The following ATP10A variants were observed in gnomAD, a reference collection of about 807,000 sequenced individuals.
ATP10A encodes ATPase phospholipid transporting 10A (putative).
Under a neutral mutation model 147.8 loss-of-function variants are expected in ATP10A, and 111 were observed. That is an observed-to-expected ratio of 0.75 (90% CI 0.64 to 0.88). The LOEUF (loss-of-function observed/expected upper bound fraction) is 0.88, where lower values mean the gene tolerates loss of function less well. ATP10A is among the 40% of genes least tolerant of loss of function. ATP10A has a pLI of 0.00. For missense variants in ATP10A, 1,927 were observed against 1,959.0 expected, an observed-to-expected ratio of 0.98 and a Z score of 0.31; for synonymous variants, 875 against 841.6, an observed-to-expected ratio of 1.04 and a Z score of -0.69.
At chr15:25,740,627 C>T (rs1887536543) in intron 2 of ATP10A, among the ~76,000 whole-genome samples, 3 of 152,222 alleles carry the variant, frequency 2.0e-5, no homozygotes, top group Admixed American at 2.0e-4. Context: ...GGTGAGGTCC[C>T]CCTGGTTCAC....
intron 1 of ATP10A, among the ~76,000 whole-genome samples, chr15:25,786,792 G>GC (rs1555469794): frequency 1.0e-3 from 136 of 135,280 alleles, no homozygotes; most frequent in African/African-American, 1.6e-3. Flanking sequence ...TGCCCAGCTA[G>GC]TTTTTTTTTT....
At chr15:25,673,018 C>T (rs115048525), downstream of ATP10A, among the ~76,000 whole-genome samples, 273 of 152,008 alleles carry the variant, frequency 1.8e-3, 2 homozygotes, top group African/African-American at 6.1e-3. Flanking sequence ...TGGGGTGGGA[C>T]GAGGAGAAGG....
At position 25,777,036 on chromosome 15, in the gene ATP10A, C is replaced by T. The variant is rs949988871; in HGVS notation, c.654+3983G>A. On this transcript the variant is annotated intron_variant, in intron 2 of 20. Coordinates refer to ENST00000555815, the MANE Select transcript of ATP10A (RefSeq NM_024490.4). Reference sequence around the variant, plus strand: ...AGGCCTGAGTCCTCCACGTATTGGTCCCATGGCTGGTCTTTAGGTGGGGTG... The same window carrying T: ...AGGCCTGAGTCCTCCACGTATTGGTTCCATGGCTGGTCTTTAGGTGGGGTG... Among the ~76,000 whole-genome samples the T allele has an allele frequency of 2.6e-5, 4 of 151,962 alleles. 1 individual carries two copies. In the South Asian group the frequency reaches 6.2e-4, roughly 24 times the overall value.
intron 2 of ATP10A, among the ~76,000 whole-genome samples, chr15:25,750,702 TATATGATGATG>T (rs1238401040): frequency 2.9e-5 from 2 of 69,480 alleles, no homozygotes; most frequent in South Asian, 7.1e-4. Context: ...ACAACATATA[TATATGATGATG>T]ATGATGATGA....
At chr15:25,818,159 AAC>A (rs1596948209) in intron 1 of ATP10A, among the ~76,000 whole-genome samples, 2 of 152,178 alleles carry the variant, frequency 1.3e-5, no homozygotes, top group South Asian at 4.1e-4. Context: ...AAAACCTAGA[AAC>A]ACATAAATAT....
At chr15:25,701,099 G>T (rs975624588) in intron 13 of ATP10A, among the ~76,000 whole-genome samples, 2 of 152,162 alleles carry the variant, frequency 1.3e-5, no homozygotes, top group Admixed American at 6.5e-5. Flanking sequence ...TCACAATGGC[G>T]TCTGTACAAT....
intron 2 of ATP10A, among the ~76,000 whole-genome samples, chr15:25,749,097 A>C (rs538872634): frequency 6.7e-6 from 1 of 149,920 alleles, no homozygotes; most frequent in South Asian, 2.1e-4. Flanking sequence ...TTAATACATG[A>C]GTTTAGCAAA....
chr15:25,851,168 G>A (rs1419292538), intron 1 of ATP10A, among the ~76,000 whole-genome samples: 2 of 152,002 alleles, frequency 1.3e-5, no homozygotes, highest in Non-Finnish European at 2.9e-5. Context: ...TATACAACAG[G>A]CAGATCTGAT....
At chr15:25,673,217 G>A (rs1899075620), downstream of ATP10A, among the ~76,000 whole-genome samples, 1 of 152,162 alleles carries the variant, frequency 6.6e-6, no homozygotes, top group Non-Finnish European at 1.5e-5. Context: ...CCGGTTGAGC[G>A]AGGTAGCTCA....
chr15:25,679,806 C>G lies in ATP10A; in HGVS notation c.4035G>C (p.Lys1345Asn), dbSNP rs1410613135. ...AAGGCTGGGACAGGGGCACAGAGGT[C>G]TTGACTGTCCTCCCTGATGAGTGCT... is the stretch of plus-strand genomic sequence containing the variant. ...GTEHSSGRTV[K>N]TSVPLSQPSW... Residue 1345 changes from lysine (K) to asparagine (N), a missense_variant, in exon 21 of 21, where the codon AAG becomes AAC. Coordinates refer to ENST00000555815, the MANE Select transcript of ATP10A (RefSeq NM_024490.4). 12 of 1,612,566 alleles carry G rather than the reference C, an allele frequency of 7.4e-6. No homozygotes were observed. Among genetic ancestry groups the G allele is most frequent in the Non-Finnish European group, 1.0e-5 (12 of 1,179,882 alleles).
chr15:25,799,194 C>A (rs1464060449), intron 1 of ATP10A, among the ~76,000 whole-genome samples: 1 of 152,114 alleles, frequency 6.6e-6, no homozygotes, highest in Non-Finnish European at 1.5e-5. Flanking sequence ...CACAGACTTC[C>A]CTGATGGTGT....
chr15:25,846,712 C>G (rs1027443607), intron 1 of ATP10A, among the ~76,000 whole-genome samples: 1 of 152,212 alleles, frequency 6.6e-6, no homozygotes, highest in Admixed American at 6.5e-5. Context: ...AATGACATCA[C>G]AACATAAAGC....
chr15:25,692,030 A>G (rs575529670), intron 14 of ATP10A, among the ~76,000 whole-genome samples: 7 of 152,212 alleles, frequency 4.6e-5, no homozygotes, highest in African/African-American at 1.7e-4. Flanking sequence ...CACCTGGTAC[A>G]TGGCGCCTGC....
In ATP10A at chr15:25,716,685, A is replaced by G. The variant is rs200235903; in HGVS notation, c.1776+45T>C. 10 of 1,474,354 alleles carry G rather than the reference A, an allele frequency of 6.8e-6. No individual in the cohort carries two copies. In the East Asian group the frequency reaches 2.2e-4, roughly 33 times the overall value. The allele number at this position is 1,474,354 out of a possible 1,614,324, so 91.3% of individuals were successfully genotyped here. A position where few individuals can be genotyped will look rare whatever the true frequency, so the allele number is the denominator to read the frequency against. ...AGGAGGACTGACAACCATGGCCCGC[A>G]GCGCAGAAGGTCAAGGTCAAGCTCA... On this transcript the variant is annotated intron_variant, in intron 9 of 20. Coordinates refer to ENST00000555815, the MANE Select transcript of ATP10A (RefSeq NM_024490.4).
chr15:25,704,210 C>T (rs1433337833), intron 12 of ATP10A, among the ~76,000 whole-genome samples: 1 of 151,206 alleles, frequency 6.6e-6, no homozygotes, highest in Non-Finnish European at 1.5e-5. Flanking sequence ...TCTTGCCTTC[C>T]TCTGTGTGTT....
intron 2 of ATP10A, 72 bp downstream of exon 2, chr15:25,780,947 C>A: frequency 1.3e-6 from 2 of 1,494,954 alleles, no homozygotes; most frequent in Non-Finnish European, 1.8e-6. Flanking sequence ...GTGCTCTGAG[C>A]CCCAGAAGGC....
At position 25,679,316 on chromosome 15, in the gene ATP10A, A is replaced by ATG; in HGVS notation, c.*24_*25insCA. 7.3e-7 allele frequency: 1 copy of ATG among 1,360,840 alleles called. No homozygotes were observed. Among genetic ancestry groups the ATG allele is most frequent in the Non-Finnish European group, 9.6e-7 (1 of 1,043,268 alleles). 84.3% of individuals were successfully genotyped at this position (1,360,840 alleles called of 1,614,324 possible). ...ATAATATTAACATTTATTTATATATATTAAAAAAGGCCATTTCAAGGTTTT... is the reference window on the plus strand; with the variant it reads ...ATAATATTAACATTTATTTATATATATGTTAAAAAAGGCCATTTCAAGGTTTT... On this transcript the variant is annotated 3_prime_UTR_variant, in exon 21 of 21. Transcript: ENST00000555815.
intron 3 of ATP10A, 94 bp from the exon 4 acceptor site, chr15:25,727,360 A>C: frequency 7.9e-6 from 9 of 1,132,864 alleles, no homozygotes; most frequent in East Asian, 2.4e-5. Context: ...CCCTGACACA[A>C]TGAAAGCTTG....
rs138748398 is a variant in ATP10A, at chr15:25,725,355, G to A, written c.979+596C>T. ...GATTTAAAGTATAGAGGAGGGTATA[G>A]GTAGGTTATATGCCAATACTATTCC... On this transcript the variant is annotated intron_variant, in intron 5 of 20. Coordinates refer to ENST00000555815, the MANE Select transcript of ATP10A (RefSeq NM_024490.4). Among the ~76,000 whole-genome samples the A allele has an allele frequency of 3.6e-3, 554 of 152,316 alleles. 7 individuals carry two copies. Among genetic ancestry groups the A allele is most frequent in the African/African-American group, 0.013 (520 of 41,560 alleles).
Sources: gnomAD v4.1 joint callset for allele counts (sites outside exome capture counted in the v4.1 genomes callset) on GRCh38, gnomAD v4.1.1 for gene constraint, MANE v1.5 for transcripts, NCBI Gene and HGNC (gene_info 2026-07-23, HGNC 2026-07-21) for gene names.